The following SIK3 variants were observed in gnomAD, a reference collection of about 807,000 sequenced individuals.
SIK3 encodes the protein serine/threonine-protein kinase SIK3.
SIK3 carries 28 observed loss-of-function variants against 144.2 expected under a neutral mutation model. That is an observed-to-expected ratio of 0.19 (90% confidence interval 0.14 to 0.27). The LOEUF (loss-of-function observed/expected upper bound fraction) is 0.27. SIK3 is among the 10% of genes least tolerant of loss of function. SIK3 has a pLI of 1.00. For missense variants in SIK3, 1,319 were observed against 1,776.0 expected (o/e 0.74, Z 4.62); for synonymous variants, 686 against 676.3 (o/e 1.01, Z -0.22).
chr11:116,968,739 G>A (rs1949654321), intron 1 of SIK3, among the ~76,000 whole-genome samples: 1 of 152,112 alleles, frequency 6.6e-6, no homozygotes, highest in Non-Finnish European at 1.5e-5. Context: ...AGATGCTAAG[G>A]TAGAACCAAG....
intron 1 of SIK3, among the ~76,000 whole-genome samples, chr11:116,995,169 A>C (rs1313339765): frequency 6.6e-6 from 1 of 150,546 alleles, no homozygotes; most frequent in African/African-American, 2.4e-5. Flanking sequence ...CAGGAGGCTG[A>C]GGCAGGAGAA....
chr11:117,036,051 T>C (rs1265504186), intron 1 of SIK3: 3 of 1,180,340 alleles, frequency 2.5e-6, no homozygotes, highest in Non-Finnish European at 3.6e-6. Context: ...GCAAGAGGCA[T>C]GTTCTCGTGT....
rs751217056 is a variant in SIK3 at position 116,846,479 on chromosome 11, A to G, written c.4027T>C (p.Tyr1343His). Residue 1343 changes from tyrosine (Y) to histidine (H), a missense_variant, in exon 24 of 25, where the codon TAT becomes CAT. Physicochemically the swap from Tyr to His is moderately conservative, Grantham distance 83. Around this residue, in one of 8 missense-constraint regions of SIK3, gnomAD observed 646 missense variants for 763.7 expected, o/e 0.85. Coordinates refer to ENST00000445177, the MANE Select transcript of SIK3 (RefSeq NM_001366686.3). The surrounding 1 kb of genome is among the most constrained non-coding windows in gnomAD (Gnocchi z 4.1). The stretch of plus-strand genomic sequence containing the variant: ...ATGTCTGTAATACACGTAGATGGAT[A>G]GCAAGAGGAGTTTAAATGCTGGCTG... ...DGSQHLNSSC[Y>H]PSTCITDILL... is the part of the protein sequence containing the mutation. The G allele has an allele frequency of 4.3e-6, 7 of 1,614,244 alleles. No individual in the cohort carries two copies. In the South Asian group the frequency reaches 7.7e-5, roughly 18 times the overall value.
chr11:116,876,352 T>C lies in SIK3; in HGVS notation c.996A>G (p.Glu332=). ...ADPNFDRLIA[E]CQQLKEERQV... is the part of the protein sequence containing the mutation. ...GTCTTTCTTCCTTTAGTTGTTGGCA[T>C]TCAGCTATTAACTGTAACATAAAAA... Residue 332 remains glutamate (E), a synonymous_variant, in exon 8 of 25, where the codon GAA becomes GAG. Transcript: ENST00000445177. 1 of 1,613,748 alleles carries C rather than the reference T, an allele frequency of 6.2e-7. No individual in the cohort carries two copies. Among genetic ancestry groups the C allele is most frequent in the South Asian group, 1.1e-5 (1 of 91,074 alleles).
intron 1 of SIK3, among the ~76,000 whole-genome samples, chr11:117,045,839 C>T (rs1425988810): frequency 6.6e-6 from 1 of 152,202 alleles, no homozygotes; most frequent in Non-Finnish European, 1.5e-5. Flanking sequence ...TTCTAAAACG[C>T]ATATACTGTG....
At chr11:116,938,954 C>T (rs576572733) in intron 3 of SIK3, among the ~76,000 whole-genome samples, 1 of 152,084 alleles carries the variant, frequency 6.6e-6, no homozygotes, top group Non-Finnish European at 1.5e-5. Context: ...CCTTAGTCTC[C>T]ACTGGAGATT....
intron 1 of SIK3, among the ~76,000 whole-genome samples, chr11:117,047,708 C>T (rs564289249): frequency 1.5e-3 from 234 of 152,054 alleles, no homozygotes; most frequent in Non-Finnish European, 3.0e-3. Context: ...CTTCGGAGGC[C>T]GAGGTGAGAG....
intron 13 of SIK3, among the ~76,000 whole-genome samples, chr11:116,871,160 G>A (rs564904567): frequency 6.6e-6 from 1 of 152,308 alleles, no homozygotes; most frequent in African/African-American, 2.4e-5. Flanking sequence ...GTATCACTGT[G>A]ACTTTCCCAT....
intron 1 of SIK3, among the ~76,000 whole-genome samples, chr11:117,013,001 G>A (rs570696455): frequency 2.0e-5 from 3 of 151,734 alleles, no homozygotes; most frequent in South Asian, 4.2e-4. Flanking sequence ...ACAAGCGCCC[G>A]CCATTTGCCA....
At chr11:116,965,355 C>A (rs1278963535) in intron 1 of SIK3, among the ~76,000 whole-genome samples, 1 of 150,462 alleles carries the variant, frequency 6.6e-6, no homozygotes, top group Non-Finnish European at 1.5e-5. Context: ...AGGTTTATCA[C>A]TTAAATGTAT....
intron 6 of SIK3, among the ~76,000 whole-genome samples, chr11:116,890,028 G>A (rs926359077): frequency 3.3e-5 from 5 of 152,284 alleles, no homozygotes; most frequent in Middle Eastern, 3.4e-3. Flanking sequence ...GTCAGTGTTC[G>A]AACAACCCTA....
intron 1 of SIK3, among the ~76,000 whole-genome samples, chr11:116,972,938 G>A (rs1949815545): frequency 6.6e-6 from 1 of 152,148 alleles, no homozygotes; most frequent in Non-Finnish European, 1.5e-5. Context: ...AAGGAACTGT[G>A]GGTGGCATCA....
At chr11:116,870,192 A>C (rs1438288884) in intron 14 of SIK3, 139 bp downstream of exon 14, 5 of 1,544,808 alleles carry the variant, frequency 3.2e-6, no homozygotes, top group South Asian at 1.2e-5. Context: ...GGGGTGGAAC[A>C]TGCCATCTGG....
intron 6 of SIK3, among the ~76,000 whole-genome samples, chr11:116,880,724 T>G (rs962871225): frequency 2.6e-5 from 4 of 152,020 alleles, no homozygotes; most frequent in African/African-American, 9.7e-5. Flanking sequence ...AAGAACACAA[T>G]CACCCACAGG....
intron 1 of SIK3, among the ~76,000 whole-genome samples, chr11:117,016,383 A>AGAGG (rs1473674816): frequency 0.026 from 1,071 of 40,914 alleles, 57 homozygotes; most frequent in African/African-American, 0.053. Context: ...AGGGAGGGAG[A>AGAGG]GAGGGAGGGA....
At chr11:116,908,763 A>G (rs1384484739) in intron 4 of SIK3, among the ~76,000 whole-genome samples, 1 of 152,224 alleles carries the variant, frequency 6.6e-6, no homozygotes, top group African/African-American at 2.4e-5. Context: ...TTAAGAGTAG[A>G]TAATAACAAG....
At position 116,915,936 on chromosome 11, in the gene SIK3, C is replaced by T. The variant is rs1344375626; in HGVS notation, c.616+11283G>A. 5.3e-5 allele frequency among the ~76,000 whole-genome samples: 8 copies of T among 152,282 alleles called. No individual in the cohort carries two copies. The East Asian group carries it at 1.5e-3, about 29-fold the overall frequency. On this transcript the variant is annotated intron_variant, in intron 4 of 24. Transcript: ENST00000445177. ...CTACTTGAACAATAAATGGAATGAC[C>T]AAGTCATAAGCATGCTCATTAGCGC...
At chr11:116,908,946 G>A (rs189841284) in intron 4 of SIK3, among the ~76,000 whole-genome samples, 8 of 152,306 alleles carry the variant, frequency 5.3e-5, no homozygotes, top group Admixed American at 3.9e-4. Flanking sequence ...CAGGATAAAT[G>A]TTTAGGAATG....
chr11:116,989,564 T>C (rs1231130946), intron 1 of SIK3, among the ~76,000 whole-genome samples: 2 of 125,572 alleles, frequency 1.6e-5, no homozygotes, highest in African/African-American at 5.0e-5. Context: ...ATAAAAATTA[T>C]AAATTGAAAC....
Sources: gnomAD v4.1 joint callset for allele counts (sites outside exome capture counted in the v4.1 genomes callset) on GRCh38, gnomAD v4.1.1 for gene constraint, gnomAD v4.1.1 regional missense constraint, Gnocchi (gnomAD v3.1) non-coding constraint, MANE v1.5 for transcripts, NCBI Gene and HGNC (gene_info 2026-07-23, HGNC 2026-07-21) for gene names.